GPC6: variants seen among roughly 807,000 people sequenced by gnomAD.
GPC6 encodes the protein glypican-6.
GPC6 carries 14 observed loss-of-function variants against 55.2 expected under a neutral mutation model. The ratio of observed to expected loss-of-function variants is 0.25; its 90% confidence interval spans 0.17 to 0.40. The LOEUF (loss-of-function observed/expected upper bound fraction) is 0.40, where lower values mean the gene tolerates loss of function less well. Ranked by LOEUF, GPC6 falls within the 10% of genes least tolerant of loss-of-function variation. GPC6 has a pLI of 1.00. For synonymous variants in GPC6, 278 were observed against 259.6 expected, an observed-to-expected ratio of 1.07 and a Z score of -0.68; for missense variants, 641 against 708.5, an observed-to-expected ratio of 0.90 and a Z score of 1.08.
intron 1 of GPC6, among the ~76,000 whole-genome samples, chr13:93,544,428 A>G (rs1956766802): frequency 2.6e-5 from 4 of 152,166 alleles, no homozygotes; most frequent in Non-Finnish European, 5.9e-5. Flanking sequence ...TTATTTAGCA[A>G]GACATTGGGT....
intron 6 of GPC6, among the ~76,000 whole-genome samples, chr13:94,363,499 T>C (rs9524460): frequency 0.042 from 6,440 of 152,264 alleles, 216 homozygotes; most frequent in Non-Finnish European, 0.068. Context: ...TTCTGTTGAT[T>C]TGAAATGCAA....
chr13:94,049,049 G>A (rs959709540), intron 4 of GPC6, among the ~76,000 whole-genome samples: 7 of 151,902 alleles, frequency 4.6e-5, no homozygotes, highest in Non-Finnish European at 1.0e-4. Flanking sequence ...TTGAGAATTT[G>A]AGACCAGCCT....
intron 4 of GPC6, among the ~76,000 whole-genome samples, chr13:94,237,656 G>A (rs1890920417): frequency 6.6e-6 from 1 of 152,128 alleles, no homozygotes; most frequent in Non-Finnish European, 1.5e-5. Flanking sequence ...GGGCAAGCTA[G>A]GAGTGTCTCC....
intron 3 of GPC6, among the ~76,000 whole-genome samples, chr13:93,981,334 A>G (rs1002705927): frequency 6.6e-6 from 1 of 152,210 alleles, no homozygotes; most frequent in African/African-American, 2.4e-5. Flanking sequence ...CAAATACAAA[A>G]TACCTCATAT....
chr13:93,596,117 C>G (rs939713157), intron 2 of GPC6, among the ~76,000 whole-genome samples: 1 of 152,008 alleles, frequency 6.6e-6, no homozygotes. Context: ...AATCTTTGCC[C>G]AATTCTCTCC....
intron 6 of GPC6, among the ~76,000 whole-genome samples, chr13:94,324,342 C>T (rs557919813): frequency 1.2e-3 from 178 of 144,548 alleles, no homozygotes; most frequent in African/African-American, 4.4e-3. Flanking sequence ...TCAAGCCAGA[C>T]AAGGTAGAAA....
chr13:93,251,396 CA>C (rs1190391589), intron 1 of GPC6, among the ~76,000 whole-genome samples: 3 of 152,108 alleles, frequency 2.0e-5, no homozygotes, highest in Non-Finnish European at 1.5e-5. Context: ...ATTTAAGGAG[CA>C]AACAGAATGG....
At chr13:93,565,378 G>T (rs1260299339) in intron 2 of GPC6, among the ~76,000 whole-genome samples, 1 of 152,128 alleles carries the variant, frequency 6.6e-6, no homozygotes, top group African/African-American at 2.4e-5. Context: ...TGCTTATATG[G>T]CAACATTTTA....
At chr13:93,925,435 T>C (rs975748678) in intron 3 of GPC6, among the ~76,000 whole-genome samples, 1 of 152,186 alleles carries the variant, frequency 6.6e-6, no homozygotes, top group African/African-American at 2.4e-5. Context: ...ATTTGTAGCA[T>C]GAAAAATTTG....
chr13:93,352,703 A>G (rs1463176977), intron 1 of GPC6, among the ~76,000 whole-genome samples: 4 of 152,158 alleles, frequency 2.6e-5, no homozygotes, highest in East Asian at 3.9e-4. Context: ...AGCAGGTCCC[A>G]GATTTCGCAG....
rs186420467 is a variant in GPC6, at chr13:93,344,560, C to T, written c.160+116944C>T. On this transcript the variant is annotated intron_variant, in intron 1 of 8. Transcript: ENST00000377047. ...TCCTCCTCTATAACCCTGCTCTCTT[C>T]ATCCATATTGTGGTTTATTCTTTCT... Among the ~76,000 whole-genome samples, 258 of 152,306 alleles carry T rather than the reference C, an allele frequency of 1.7e-3. 1 individual carries two copies. The highest frequency in any genetic ancestry group is 3.4e-3 in the Middle Eastern group (1 of 294).
Position 93,474,075 on chromosome 13 carries a change from T to A in GPC6, c.161-71188T>A, listed in dbSNP as rs1201828034. Among the ~76,000 whole-genome samples, 4 of 152,230 alleles carry A rather than the reference T, an allele frequency of 2.6e-5. No homozygotes were observed. In the East Asian group the frequency reaches 7.7e-4, roughly 29 times the overall value. On this transcript the variant is annotated intron_variant, in intron 1 of 8. Transcript: ENST00000377047. ...GCCTGTAGCTGACATCATTATTACATGAGACTCTGTCTTGTTTAAATGCTG... is the reference window on the plus strand; with the variant it reads ...GCCTGTAGCTGACATCATTATTACAAGAGACTCTGTCTTGTTTAAATGCTG...
chr13:93,391,193 G>A (rs1875620078), intron 1 of GPC6, among the ~76,000 whole-genome samples: 1 of 152,054 alleles, frequency 6.6e-6, no homozygotes, highest in South Asian at 2.1e-4. Flanking sequence ...GTGTAATTTA[G>A]AGCCATAGGG....
chr13:94,368,810 C>T (rs1044704158), intron 6 of GPC6, among the ~76,000 whole-genome samples: 1 of 152,224 alleles, frequency 6.6e-6, no homozygotes, highest in Non-Finnish European at 1.5e-5. Context: ...CTGATGCAGG[C>T]TCACACAGTG....
intron 4 of GPC6, among the ~76,000 whole-genome samples, chr13:94,029,491 C>G (rs1008136506): frequency 6.6e-6 from 1 of 152,114 alleles, no homozygotes; most frequent in African/African-American, 2.4e-5. Flanking sequence ...TTAGCAAAGA[C>G]AGAATACCCA....
intron 7 of GPC6, among the ~76,000 whole-genome samples, chr13:94,389,932 C>T (rs1880571807): frequency 6.6e-6 from 1 of 152,190 alleles, no homozygotes; most frequent in African/African-American, 2.4e-5. Flanking sequence ...CAAAATTAAT[C>T]GGACCCGTTG....
At chr13:94,054,637 C>A (rs1234229851) in intron 4 of GPC6, among the ~76,000 whole-genome samples, 1 of 152,128 alleles carries the variant, frequency 6.6e-6, no homozygotes, top group Non-Finnish European at 1.5e-5. Flanking sequence ...ATCATCTTAC[C>A]TACCTTCAAG....
rs1289923928 is a variant in GPC6, at chr13:93,676,116, AAAAAAAAAAAATATATATATATATATAT to A, written c.319+130697_319+130724del. ...CAAAACTGTTTCTACTAAAAAAAAAAAAAAAAAAAAATATATATATATATATATATATATATATATATATATATATATA... is the reference window on the plus strand; with the variant it reads ...CAAAACTGTTTCTACTAAAAAAAAAAATATATATATATATATATATATATA... On this transcript the variant is annotated intron_variant, in intron 2 of 8. Coordinates refer to ENST00000377047, the MANE Select transcript of GPC6 (RefSeq NM_005708.5). 1.3e-3 allele frequency among the ~76,000 whole-genome samples: 21 copies of A among 15,878 alleles called. 3 individuals carry two copies. The highest frequency in any genetic ancestry group is 3.2e-3 in the African/African-American group (21 of 6,534). 10.4% of individuals were successfully genotyped at this position (15,878 alleles called of 152,430 possible).
intron 3 of GPC6, among the ~76,000 whole-genome samples, chr13:93,880,644 G>T (rs1874903943): frequency 6.6e-6 from 1 of 151,998 alleles, no homozygotes. Flanking sequence ...CAGTGCACCA[G>T]CATGGCACAT....
Sources: allele counts gnomAD v4.1 joint callset (sites outside exome capture counted in the v4.1 genomes callset), GRCh38; gene constraint gnomAD v4.1.1; transcripts MANE v1.5; gene names NCBI Gene and HGNC (gene_info 2026-07-23, HGNC 2026-07-21).